The following ADCY8 variants were observed in gnomAD, a reference collection of about 807,000 sequenced individuals.
ADCY8 encodes the protein adenylate cyclase 8, also known as adenylate cyclase type 8.
Under a neutral mutation model 119.7 loss-of-function variants are expected in ADCY8, and 51 were observed. The ratio of observed to expected loss-of-function variants is 0.43; its 90% CI spans 0.34 to 0.54. The LOEUF (loss-of-function observed/expected upper bound fraction) is 0.54. Ranked by LOEUF, ADCY8 falls within the 20% of genes least tolerant of loss-of-function variation. ADCY8 has a pLI of 0.03. For missense variants in ADCY8, 1,383 were observed against 1,598.8 expected (o/e 0.87, Z 2.30); for synonymous variants, 665 against 651.0 (o/e 1.02, Z -0.33).
chr8:131,039,494 G>C lies in ADCY8; in HGVS notation c.840C>G (p.Ala280=). 1 of 1,614,060 alleles carries C rather than the reference G, an allele frequency of 6.2e-7. No homozygotes were observed. The highest frequency in any genetic ancestry group is 8.5e-7 in the Non-Finnish European group (1 of 1,180,030). Residue 280 remains alanine, a synonymous_variant, in exon 1 of 18, where the codon GCC becomes GCG. Coordinates refer to ENST00000286355, the MANE Select transcript of ADCY8 (RefSeq NM_001115.3). ...GCGGCAGCGGCAGCATACTGTAGGT[G>C]GCGAAGAGCGTGAAGAGCACGTAGC... ...GIGYVLFTLF[A]TYSMLPLPLT... is the part of the protein sequence containing the mutation.
intron 10 of ADCY8, among the ~76,000 whole-genome samples, chr8:130,849,070 C>CCCCACT (rs942617034): frequency 6.6e-6 from 1 of 152,130 alleles, no homozygotes; most frequent in African/African-American, 2.4e-5. Context: ...ATTTCCCCCA[C>CCCCACT]CCCACTCCCA....
intron 1 of ADCY8, among the ~76,000 whole-genome samples, chr8:131,024,045 G>A (rs753974976): frequency 6.6e-6 from 1 of 152,190 alleles, no homozygotes; most frequent in Non-Finnish European, 1.5e-5. Flanking sequence ...TTGTCCATGA[G>A]TGGACATCCT....
chr8:130,835,473 C>T (rs755169853), intron 12 of ADCY8, among the ~76,000 whole-genome samples: 3 of 152,222 alleles, frequency 2.0e-5, no homozygotes, highest in Non-Finnish European at 4.4e-5. Context: ...TGGTAGCTTG[C>T]ATTCGCCTCT....
intron 3 of ADCY8, among the ~76,000 whole-genome samples, chr8:130,944,334 A>G (rs954730578): frequency 6.6e-6 from 1 of 152,244 alleles, no homozygotes; most frequent in Non-Finnish European, 1.5e-5. Context: ...AAGGAAAGAT[A>G]GGACACAAAA....
intron 15 of ADCY8, among the ~76,000 whole-genome samples, chr8:130,791,648 C>A (rs1336518928): frequency 2.0e-5 from 3 of 152,202 alleles, no homozygotes; most frequent in Non-Finnish European, 4.4e-5. Context: ...CTGGAGTGAA[C>A]CTTTGGCAGG....
chr8:130,881,316 G>A (rs10098645), intron 8 of ADCY8, among the ~76,000 whole-genome samples: 58,189 of 151,962 alleles, frequency 0.38, 11,536 homozygotes, highest in East Asian at 0.64. Flanking sequence ...GGATAGGCAC[G>A]CCAATTATTA....
chr8:130,783,557 C>G lies in ADCY8; in HGVS notation c.3268+134G>C, dbSNP rs550394047. Reference sequence around the variant, plus strand: ...AGGCCTGAGCTGACCTTGTCCCTATCCTTGGCAGGGTCATGCTAGATCTAT... The same window carrying G: ...AGGCCTGAGCTGACCTTGTCCCTATGCTTGGCAGGGTCATGCTAGATCTAT... On this transcript the variant is annotated intron_variant, in intron 17 of 17. Transcript: ENST00000286355. The G allele has an allele frequency of 6.6e-6, 4 of 602,998 alleles. No homozygotes were observed. In the East Asian group the frequency reaches 1.1e-4, roughly 17 times the overall value. The allele number at this position is 602,998 out of a possible 1,614,324, so 37.4% of individuals were successfully genotyped here. A position where few individuals can be genotyped will look rare whatever the true frequency, so the allele number is the denominator to read the frequency against.
At chr8:131,009,854 C>T (rs777388788) in intron 1 of ADCY8, among the ~76,000 whole-genome samples, 8 of 152,070 alleles carry the variant, frequency 5.3e-5, no homozygotes, top group African/African-American at 9.7e-5. Flanking sequence ...CAAGAAAATG[C>T]GGGAAGCATT....
At chr8:130,836,176 AG>A in intron 12 of ADCY8, 100 bp downstream of exon 12, 2 of 1,274,058 alleles carry the variant, frequency 1.6e-6, no homozygotes, top group Non-Finnish European at 2.2e-6. Context: ...ATATCCAATC[AG>A]GCCTTAAGTT....
intron 1 of ADCY8, among the ~76,000 whole-genome samples, chr8:131,023,214 C>A (rs1436111548): frequency 1.3e-5 from 2 of 152,152 alleles, no homozygotes; most frequent in Non-Finnish European, 2.9e-5. Flanking sequence ...GATATCACAG[C>A]CATTGCCCTG....
At chr8:130,970,203 T>C (rs959311497) in intron 2 of ADCY8, among the ~76,000 whole-genome samples, 3 of 152,162 alleles carry the variant, frequency 2.0e-5, no homozygotes, top group African/African-American at 7.2e-5. Flanking sequence ...GGAACTGGGC[T>C]GCACAGCAGG....
At chr8:131,024,668 T>C (rs771840049) in intron 1 of ADCY8, among the ~76,000 whole-genome samples, 3 of 152,230 alleles carry the variant, frequency 2.0e-5, no homozygotes, top group Non-Finnish European at 4.4e-5. Flanking sequence ...GTTTGTCAAT[T>C]AATTATCACA....
intron 8 of ADCY8, among the ~76,000 whole-genome samples, chr8:130,883,043 T>C (rs1219112391): frequency 1.3e-5 from 2 of 152,198 alleles, no homozygotes; most frequent in Non-Finnish European, 2.9e-5. Context: ...TCTAGAAGAA[T>C]CTTCCCTGGT....
intron 9 of ADCY8, among the ~76,000 whole-genome samples, chr8:130,858,051 G>T (rs1433698880): frequency 6.6e-6 from 1 of 152,148 alleles, no homozygotes; most frequent in Non-Finnish European, 1.5e-5. Context: ...TGTGGCTCCT[G>T]CATTCTTTTG....
chr8:130,829,976 G>C (rs263273), intron 12 of ADCY8, among the ~76,000 whole-genome samples: 32,165 of 152,098 alleles, frequency 0.21, 4,252 homozygotes, highest in South Asian at 0.43. Context: ...TACCCCAGGA[G>C]GAGCCCTAGC....
chr8:130,789,959 A>T (rs1344150465), intron 15 of ADCY8, among the ~76,000 whole-genome samples: 2 of 152,196 alleles, frequency 1.3e-5, no homozygotes, highest in Non-Finnish European at 2.9e-5. Flanking sequence ...GCACCACTTT[A>T]AAGGAAGAGG....
At position 131,001,560 on chromosome 8, in the gene ADCY8, A is replaced by G. The variant is rs368871705; in HGVS notation, c.961-11018T>C. Reference sequence around the variant, plus strand: ...TCTAATATATATACATACTATATATACAAATATTATATATTATATATATCT... The same window carrying G: ...TCTAATATATATACATACTATATATGCAAATATTATATATTATATATATCT... On this transcript the variant is annotated intron_variant, in intron 1 of 17. Coordinates refer to ENST00000286355, the MANE Select transcript of ADCY8 (RefSeq NM_001115.3). 8.1e-5 allele frequency among the ~76,000 whole-genome samples: 12 copies of G among 148,264 alleles called. No homozygotes were observed. The South Asian group carries it at 2.5e-3, about 31-fold the overall frequency.
At chr8:130,959,869 A>G (rs796943187) in intron 2 of ADCY8, among the ~76,000 whole-genome samples, 49 of 152,326 alleles carry the variant, frequency 3.2e-4, no homozygotes, top group African/African-American at 1.1e-3. Context: ...GCGTGAGGGT[A>G]TGGAGACATG....
intron 14 of ADCY8, 70 bp from the exon 15 acceptor site, chr8:130,800,642 G>A: frequency 4.6e-6 from 7 of 1,530,352 alleles, no homozygotes; most frequent in Middle Eastern, 1.7e-4. Context: ...TGCTTCCTGT[G>A]CACACATGTG....
Sources: allele counts gnomAD v4.1 joint callset (sites outside exome capture counted in the v4.1 genomes callset), GRCh38; gene constraint gnomAD v4.1.1; transcripts MANE v1.5; gene names NCBI Gene and HGNC (gene_info 2026-07-23, HGNC 2026-07-21).